Variants in KCNH1 observed in about 807,000 individuals in gnomAD.
KCNH1 encodes the protein potassium voltage-gated channel subfamily H member 1, also known as voltage-gated delayed rectifier potassium channel KCNH1.
KCNH1 carries 27 observed loss-of-function variants against 69.2 expected under a neutral mutation model. That is an observed-to-expected ratio of 0.39 (90% CI 0.29 to 0.54). KCNH1 has a LOEUF of 0.54. Ranked by LOEUF, KCNH1 falls within the 20% of genes least tolerant of loss-of-function variation. The pLI, the probability that KCNH1 is intolerant of heterozygous loss-of-function variation, is 0.68. For missense variants in KCNH1, 798 were observed against 1,261.6 expected (o/e 0.63, Z 5.57); for synonymous variants, 456 against 487.7 (o/e 0.93, Z 0.86).
At chr1:210,795,309 T>G (rs1196217127) in intron 9 of KCNH1, among the ~76,000 whole-genome samples, 1 of 152,012 alleles carries the variant, frequency 6.6e-6, no homozygotes, top group Non-Finnish European at 1.5e-5. Context: ...ACCATGCCCA[T>G]CTAATTTTTG....
chr1:210,971,503 T>C lies in KCNH1; in HGVS notation c.1032+47280A>G, dbSNP rs975058932. The stretch of plus-strand genomic sequence containing the variant: ...CATCAAAATCCAAGGTAATAAATAC[T>C]CAAGGCACATTACCTCCTATTTTAC... On this transcript the variant is annotated intron_variant, in intron 6 of 10. Coordinates refer to ENST00000271751, the MANE Select transcript of KCNH1 (RefSeq NM_172362.3). Among the ~76,000 whole-genome samples the C allele has an allele frequency of 5.3e-5, 8 of 152,134 alleles. 1 individual carries two copies. Among genetic ancestry groups the C allele is most frequent in the Admixed American group, 1.3e-4 (2 of 15,254 alleles).
At chr1:210,930,305 C>T (rs760654871) in intron 6 of KCNH1, among the ~76,000 whole-genome samples, 10 of 152,092 alleles carry the variant, frequency 6.6e-5, no homozygotes, top group Non-Finnish European at 1.3e-4. Context: ...GCCATCGTCA[C>T]CAAAACAGCA....
intron 6 of KCNH1, among the ~76,000 whole-genome samples, chr1:210,943,490 C>T (rs1687907741): frequency 6.6e-6 from 1 of 151,958 alleles, no homozygotes; most frequent in Non-Finnish European, 1.5e-5. Flanking sequence ...CTGGGAATAC[C>T]GGCGCACACC....
At chr1:210,771,229 T>C (rs1478247452) in intron 10 of KCNH1, among the ~76,000 whole-genome samples, 1 of 152,226 alleles carries the variant, frequency 6.6e-6, no homozygotes, top group Non-Finnish European at 1.5e-5. Flanking sequence ...CTTCTTTTCA[T>C]GAATAGCCAC....
At chr1:210,772,759 T>C (rs1683776887) in intron 10 of KCNH1, among the ~76,000 whole-genome samples, 1 of 152,172 alleles carries the variant, frequency 6.6e-6, no homozygotes, top group Non-Finnish European at 1.5e-5. Flanking sequence ...TATTTCATTC[T>C]TTGGGGAGCT....
At chr1:211,118,438 C>T (rs915612319) in intron 1 of KCNH1, among the ~76,000 whole-genome samples, 2 of 152,180 alleles carry the variant, frequency 1.3e-5, no homozygotes, top group Non-Finnish European at 2.9e-5. Flanking sequence ...AGTTCCCCTG[C>T]GTCCCAAGTC....
intron 5 of KCNH1, among the ~76,000 whole-genome samples, chr1:211,076,970 C>G (rs556300889): frequency 6.6e-6 from 1 of 152,088 alleles, no homozygotes; most frequent in African/African-American, 2.4e-5. Context: ...CATGCACAAG[C>G]TTCAATAGCC....
rs1192160025 is a variant in KCNH1 at position 210,846,471 on chromosome 1, C to A, written c.1463-42305G>T. Among the ~76,000 whole-genome samples the A allele has an allele frequency of 2.1e-4, 32 of 151,660 alleles. 1 individual carries two copies. In the South Asian group the frequency reaches 4.8e-3, roughly 23 times the overall value. On this transcript the variant is annotated intron_variant, in intron 7 of 10. Transcript: ENST00000271751. ...CTTTGACAAACCTGAGAAAAACAAG[C>A]AATGGGGAAAGGATTCCCTATTTAA...
At chr1:210,988,510 T>C (rs1688885216) in intron 6 of KCNH1, among the ~76,000 whole-genome samples, 1 of 152,180 alleles carries the variant, frequency 6.6e-6, no homozygotes, top group Non-Finnish European at 1.5e-5. Context: ...CTAAAATAAA[T>C]GAACCACAAT....
intron 1 of KCNH1, among the ~76,000 whole-genome samples, chr1:211,112,079 G>A (rs192816009): frequency 4.2e-5 from 6 of 144,330 alleles, no homozygotes; most frequent in Non-Finnish European, 7.6e-5. Flanking sequence ...CTGCCTGGCC[G>A]CTGTACTGTC....
intron 5 of KCNH1, among the ~76,000 whole-genome samples, chr1:211,058,961 T>C (rs950229251): frequency 5.9e-5 from 9 of 152,046 alleles, no homozygotes; most frequent in African/African-American, 2.2e-4. Flanking sequence ...TCGGACTAAA[T>C]AGATTTCAAG....
chr1:210,925,420 C>T (rs1687552174), intron 6 of KCNH1, among the ~76,000 whole-genome samples: 1 of 152,186 alleles, frequency 6.6e-6, no homozygotes, highest in Non-Finnish European at 1.5e-5. Flanking sequence ...CCTTGATATG[C>T]CAAAAACCTG....
chr1:210,839,719 C>T (rs963277283), intron 7 of KCNH1, among the ~76,000 whole-genome samples: 5 of 152,162 alleles, frequency 3.3e-5, no homozygotes, highest in Non-Finnish European at 7.3e-5. Flanking sequence ...AACTTTATAT[C>T]AAATGTGACT....
At chr1:211,034,745 G>A (rs574635142) in intron 5 of KCNH1, among the ~76,000 whole-genome samples, 24 of 152,280 alleles carry the variant, frequency 1.6e-4, no homozygotes, top group African/African-American at 5.3e-4. Flanking sequence ...GGTGAAAAGG[G>A]AGGCAAGTTA....
chr1:210,830,459 G>T (rs1184106722), intron 7 of KCNH1, among the ~76,000 whole-genome samples: 4 of 152,114 alleles, frequency 2.6e-5, no homozygotes, highest in African/African-American at 9.7e-5. Context: ...ACAGGGTGGG[G>T]GTTGGAAGAC....
chr1:210,969,781 T>C (rs935869159), intron 6 of KCNH1, among the ~76,000 whole-genome samples: 1 of 152,204 alleles, frequency 6.6e-6, no homozygotes, highest in Admixed American at 6.6e-5. Context: ...CTCCTACTTT[T>C]AAATAATTTG....
intron 10 of KCNH1, among the ~76,000 whole-genome samples, chr1:210,684,907 A>G (rs1014441310): frequency 6.6e-6 from 1 of 152,200 alleles, no homozygotes; most frequent in Non-Finnish European, 1.5e-5. Flanking sequence ...AACAACTGTT[A>G]TTATCCCCAT....
At chr1:211,013,493 T>G (rs958371067) in intron 6 of KCNH1, among the ~76,000 whole-genome samples, 8 of 152,174 alleles carry the variant, frequency 5.3e-5, no homozygotes, top group African/African-American at 1.4e-4. Flanking sequence ...CAGGGAATGA[T>G]TCAGAGAAAG....
At chr1:211,053,777 C>A (rs1690250951) in intron 5 of KCNH1, among the ~76,000 whole-genome samples, 1 of 152,042 alleles carries the variant, frequency 6.6e-6, no homozygotes, top group African/African-American at 2.4e-5. Flanking sequence ...ACTGGGGACC[C>A]AATGGACTCC....
Sources: gnomAD v4.1 joint callset for allele counts (sites outside exome capture counted in the v4.1 genomes callset) on GRCh38, gnomAD v4.1.1 for gene constraint, MANE v1.5 for transcripts, NCBI Gene and HGNC (gene_info 2026-07-23, HGNC 2026-07-21) for gene names.